Variants in KHDRBS3 observed in about 807,000 individuals in gnomAD.
The protein encoded by KHDRBS3 is KH RNA binding domain containing, signal transduction associated 3.
A neutral mutation model predicts 45.6 loss-of-function variants in KHDRBS3; 23 were observed. That is an observed-to-expected ratio of 0.50 (90% CI 0.36 to 0.72). The LOEUF is 0.72. Ranked by LOEUF, KHDRBS3 falls within the 30% of genes least tolerant of loss-of-function variation. The pLI is 0.00. For synonymous variants in KHDRBS3, 162 were observed against 156.5 expected (o/e 1.04, Z -0.26); for missense variants, 352 against 424.8 (o/e 0.83, Z 1.51).
At chr8:135,654,795 GC>G (rs1322591320) in intron 4 of KHDRBS3, among the ~76,000 whole-genome samples, 1 of 152,234 alleles carries the variant, frequency 6.6e-6, no homozygotes, top group Admixed American at 6.5e-5. Flanking sequence ...AGGCCGACAG[GC>G]TCTCTGAGGA....
Position 135,542,748 on chromosome 8 carries a change from G to A in KHDRBS3, c.302G>A (p.Gly101Asp), listed in dbSNP as rs565671483. The A allele has an allele frequency of 6.2e-7, 1 of 1,612,216 alleles. No homozygotes were observed. The highest frequency in any genetic ancestry group is 8.5e-7 in the Non-Finnish European group (1 of 1,178,362). Reference sequence around the variant, plus strand: ...ACAAAAATGTCCATCCTTGGGAAAGGTTCCATGAGAGACAAGGCCAAGGTA... The same window carrying A: ...ACAAAAATGTCCATCCTTGGGAAAGATTCCATGAGAGACAAGGCCAAGGTA... ...TLTKMSILGK[G>D]SMRDKAKEEE... Residue 101 changes from glycine (G) to aspartate (D), a missense_variant, in exon 3 of 9, where the codon GGT becomes GAT. By Grantham distance (94) the Gly-to-Asp change is moderately conservative (BLOSUM62 -1). This residue lies in a region of KHDRBS3 where 15 missense variants were observed against 30.2 expected (regional missense o/e 0.50). Transcript: ENST00000355849.
At chr8:135,511,177 A>C (rs758535289) in intron 1 of KHDRBS3, among the ~76,000 whole-genome samples, 11 of 152,196 alleles carry the variant, frequency 7.2e-5, no homozygotes, top group African/African-American at 1.2e-4. Flanking sequence ...TGGAATCCTG[A>C]ATCTCTGTTG....
chr8:135,645,428 T>A (rs1450590646), intron 8 of KHDRBS3, among the ~76,000 whole-genome samples: 2 of 152,218 alleles, frequency 1.3e-5, no homozygotes, highest in Admixed American at 6.5e-5. Flanking sequence ...CTGGGTCTTT[T>A]TGAAGTGTCT....
At chr8:135,524,228 C>G (rs1246780483) in intron 2 of KHDRBS3, among the ~76,000 whole-genome samples, 1 of 152,266 alleles carries the variant, frequency 6.6e-6, no homozygotes, top group Non-Finnish European at 1.5e-5. Context: ...GTTGACCAGG[C>G]TGGCCTAATG....
intron 7 of KHDRBS3, among the ~76,000 whole-genome samples, chr8:135,632,443 G>T (rs1183439288): frequency 2.0e-5 from 3 of 152,062 alleles, no homozygotes; most frequent in Non-Finnish European, 4.4e-5. Flanking sequence ...TGGTCTCACT[G>T]TCTCAGGTTT....
At chr8:135,527,484 A>T (rs1253208045) in intron 2 of KHDRBS3, among the ~76,000 whole-genome samples, 1 of 152,194 alleles carries the variant, frequency 6.6e-6, no homozygotes, top group East Asian at 1.9e-4. Flanking sequence ...AGAAGACATA[A>T]ATGAAGTTGT....
intron 5 of KHDRBS3, among the ~76,000 whole-genome samples, chr8:135,573,263 G>A (rs1809474090): frequency 6.6e-6 from 1 of 152,124 alleles, no homozygotes; most frequent in Non-Finnish European, 1.5e-5. Context: ...TGCTGTACGT[G>A]GCTGCTTCTC....
chr8:135,649,158 A>G (rs1831379050), downstream of KHDRBS3, among the ~76,000 whole-genome samples: 1 of 152,162 alleles, frequency 6.6e-6, no homozygotes, highest in Admixed American at 6.5e-5. Flanking sequence ...GAAAAGTATT[A>G]TTATTTTTGT....
At chr8:135,582,901 C>T (rs1828285779) in intron 6 of KHDRBS3, among the ~76,000 whole-genome samples, 1 of 152,190 alleles carries the variant, frequency 6.6e-6, no homozygotes, top group Non-Finnish European at 1.5e-5. Context: ...GGGCCTCAGA[C>T]AACCTCTTCA....
At chr8:135,561,465 G>T (rs1475863518) in intron 5 of KHDRBS3, among the ~76,000 whole-genome samples, 1 of 152,004 alleles carries the variant, frequency 6.6e-6, no homozygotes, top group Non-Finnish European at 1.5e-5. Flanking sequence ...AATCCAGGCA[G>T]TGTGCTTTCA....
intron 2 of KHDRBS3, chr8:135,541,171 G>A (rs1207547051): frequency 2.0e-5 from 3 of 152,140 alleles, no homozygotes; most frequent in African/African-American, 7.2e-5. Flanking sequence ...AAAACAGAGA[G>A]ACACAAACAA....
At position 135,623,044 on chromosome 8, in the gene KHDRBS3, G is replaced by A. The variant is rs181766544; in HGVS notation, c.890+16007G>A. Among the ~76,000 whole-genome samples the A allele has an allele frequency of 5.3e-5, 8 of 152,148 alleles. No homozygotes were observed. The East Asian group carries it at 1.5e-3, about 29-fold the overall frequency. ...GTGCTAACAGTTCTCCTTATTACAT[G>A]TCCCCAGTATTTCAACCTGGTTTTT... On this transcript the variant is annotated intron_variant, in intron 7 of 8. Coordinates refer to ENST00000355849, the MANE Select transcript of KHDRBS3 (RefSeq NM_006558.3).
At chr8:135,500,397 A>T (rs1203968034) in intron 1 of KHDRBS3, among the ~76,000 whole-genome samples, 1 of 152,204 alleles carries the variant, frequency 6.6e-6, no homozygotes, top group Non-Finnish European at 1.5e-5. Context: ...AATTTATCAG[A>T]AGGATTTGAG....
chr8:135,539,565 A>G (rs758304508), intron 2 of KHDRBS3: 2 of 152,184 alleles, frequency 1.3e-5, no homozygotes, highest in Non-Finnish European at 2.9e-5. Flanking sequence ...ATTACTTACT[A>G]ATTTGGCATC....
chr8:135,529,604 TG>T (rs1399379432), intron 2 of KHDRBS3, among the ~76,000 whole-genome samples: 1 of 152,178 alleles, frequency 6.6e-6, no homozygotes, highest in Admixed American at 6.5e-5. Context: ...TGATATTGTT[TG>T]GGGGCATATT....
intron 6 of KHDRBS3, among the ~76,000 whole-genome samples, chr8:135,587,115 C>T (rs950484341): frequency 2.6e-5 from 4 of 152,138 alleles, no homozygotes; most frequent in South Asian, 2.1e-4. Context: ...CTTGACAATT[C>T]TCAGGTATTT....
intron 2 of KHDRBS3, chr8:135,541,464 A>G (rs1007694989): frequency 6.6e-6 from 1 of 152,276 alleles, no homozygotes; most frequent in Non-Finnish European, 1.5e-5. Context: ...TTAAAAATAT[A>G]TATTTGAGTT....
At chr8:135,617,562 G>GC (rs1369012570) in intron 7 of KHDRBS3, among the ~76,000 whole-genome samples, 1 of 152,188 alleles carries the variant, frequency 6.6e-6, no homozygotes, top group Non-Finnish European at 1.5e-5. Context: ...ATAGGCGTGA[G>GC]CCACCACACC....
rs35301059 is a variant in KHDRBS3, at chr8:135,585,228, C to CAAA, written c.807+3172_807+3174dup. Among the ~76,000 whole-genome samples the CAAA allele has an allele frequency of 4.0e-4, 38 of 96,036 alleles. 1 individual carries two copies. The highest frequency in any genetic ancestry group is 7.5e-4 in the South Asian group (2 of 2,676). 63.0% of individuals were successfully genotyped at this position (96,036 alleles called of 152,430 possible). ...TGGGTGACAGAGCGAGACTCCGTCTCAAAAAAAAAAAAAAAAAAAGAAAAA... is the reference window on the plus strand; with the variant it reads ...TGGGTGACAGAGCGAGACTCCGTCTCAAAAAAAAAAAAAAAAAAAAAAGAAAAA... On this transcript the variant is annotated intron_variant, in intron 6 of 8. Transcript: ENST00000355849.
Sources: allele counts gnomAD v4.1 joint callset (sites outside exome capture counted in the v4.1 genomes callset), GRCh38; gene constraint gnomAD v4.1.1; regional missense constraint gnomAD v4.1.1; transcripts MANE v1.5; gene names NCBI Gene and HGNC (gene_info 2026-07-23, HGNC 2026-07-21).